The following SPIRE1 variants were observed in gnomAD, a reference collection of about 807,000 sequenced individuals.
SPIRE1 encodes the protein protein spire homolog 1.
SPIRE1 carries 40 observed loss-of-function variants against 94.1 expected under a neutral mutation model. The observed-to-expected ratio is 0.43, with a 90% CI of 0.33 to 0.55. The LOEUF is 0.55. SPIRE1 is among the 20% of genes least tolerant of loss of function. The pLI is 0.06. For missense variants in SPIRE1, 838 were observed against 975.2 expected, an observed-to-expected ratio of 0.86 and a Z score of 1.87; for synonymous variants, 376 against 371.7, an observed-to-expected ratio of 1.01 and a Z score of -0.13.
At chr18:12,508,295 T>TA (rs1233405471) in intron 5 of SPIRE1, among the ~76,000 whole-genome samples, 1 of 152,136 alleles carries the variant, frequency 6.6e-6, no homozygotes, top group Non-Finnish European at 1.5e-5. Context: ...TTCATAATTT[T>TA]AAAAAAATGT....
At chr18:12,514,549 G>A (rs1217828833) in intron 4 of SPIRE1, among the ~76,000 whole-genome samples, 1 of 151,894 alleles carries the variant, frequency 6.6e-6, no homozygotes, top group Non-Finnish European at 1.5e-5. Context: ...TCTTCATTAA[G>A]TAGATTAAGA....
chr18:12,490,450 G>A (rs1043588032), intron 8 of SPIRE1, among the ~76,000 whole-genome samples: 2 of 152,106 alleles, frequency 1.3e-5, no homozygotes, highest in Non-Finnish European at 2.9e-5. Flanking sequence ...CACTGAAGAT[G>A]AGAGAACACT....
At chr18:12,615,340 A>AAT in intron 2 of SPIRE1, among the ~76,000 whole-genome samples, 1 of 59,154 alleles carries the variant, frequency 1.7e-5, no homozygotes, top group East Asian at 4.4e-4. Context: ...AAAAAAAAAA[A>AAT]AAAAAATATA....
intron 3 of SPIRE1, among the ~76,000 whole-genome samples, chr18:12,540,739 T>TA (rs1234614104): frequency 2.0e-5 from 3 of 152,238 alleles, no homozygotes; most frequent in African/African-American, 7.2e-5. Context: ...GGATTTAAAT[T>TA]ACAGTAGTTC....
chr18:12,522,283 A>G (rs933073833), intron 4 of SPIRE1, among the ~76,000 whole-genome samples: 2 of 152,254 alleles, frequency 1.3e-5, no homozygotes, highest in Non-Finnish European at 2.9e-5. Context: ...CAAACCAGCC[A>G]CAACATTCCC....
intron 2 of SPIRE1, among the ~76,000 whole-genome samples, chr18:12,557,029 C>G (rs950424152): frequency 4.6e-5 from 7 of 152,232 alleles, no homozygotes; most frequent in African/African-American, 7.2e-5. Flanking sequence ...AAACCTTGAG[C>G]TAGACACAAA....
At chr18:12,622,638 G>A (rs1000193825) in intron 2 of SPIRE1, among the ~76,000 whole-genome samples, 5 of 150,766 alleles carry the variant, frequency 3.3e-5, no homozygotes, top group Non-Finnish European at 6.0e-5. Context: ...TAGCCAGGAT[G>A]GTCTCGATCT....
At chr18:12,513,774 C>T (rs1168989578) in intron 4 of SPIRE1, among the ~76,000 whole-genome samples, 5 of 152,236 alleles carry the variant, frequency 3.3e-5, no homozygotes, top group African/African-American at 9.6e-5. Flanking sequence ...CCACCCGCCT[C>T]GGCCTCCCAA....
At chr18:12,485,105 TC>T (rs1311575958) in intron 9 of SPIRE1, among the ~76,000 whole-genome samples, 11 of 96,026 alleles carry the variant, frequency 1.1e-4, no homozygotes, top group Admixed American at 6.4e-4. Context: ...ATTTTTATAC[TC>T]TTTTTTTTTT....
intron 1 of SPIRE1, among the ~76,000 whole-genome samples, chr18:12,641,208 T>G (rs112629112): frequency 6.6e-6 from 1 of 152,116 alleles, no homozygotes; most frequent in Non-Finnish European, 1.5e-5. Flanking sequence ...CAACCATTAG[T>G]TTAAGAACTA....
intron 1 of SPIRE1, chr18:12,636,398 T>G (rs1191671999): frequency 6.6e-6 from 1 of 152,074 alleles, no homozygotes; most frequent in African/African-American, 2.4e-5. Context: ...TTTCTATGCC[T>G]CAGACTGTAT....
intron 1 of SPIRE1, among the ~76,000 whole-genome samples, chr18:12,647,256 T>C (rs1001867927): frequency 2.0e-5 from 3 of 152,184 alleles, no homozygotes; most frequent in Admixed American, 6.5e-5. Flanking sequence ...AATATCTACT[T>C]ATGCTGACCA....
intron 6 of SPIRE1, among the ~76,000 whole-genome samples, chr18:12,500,599 C>T (rs958693255): frequency 6.6e-6 from 1 of 152,258 alleles, no homozygotes; most frequent in African/African-American, 2.4e-5. Flanking sequence ...GATCCAGCCA[C>T]TCCACTCCCA....
chr18:12,629,408 A>G (rs2037716243), intron 2 of SPIRE1, among the ~76,000 whole-genome samples: 1 of 152,266 alleles, frequency 6.6e-6, no homozygotes, highest in African/African-American at 2.4e-5. Context: ...TAAAATTGGA[A>G]TAAAAGCTAC....
intron 2 of SPIRE1, among the ~76,000 whole-genome samples, chr18:12,572,244 T>C (rs1305851478): frequency 6.6e-6 from 1 of 152,144 alleles, no homozygotes; most frequent in Non-Finnish European, 1.5e-5. Context: ...CTAAAGGATA[T>C]GGGTCTTTAT....
rs572405523 is a variant in SPIRE1 at position 12,502,905 on chromosome 18, C to T, written c.972+3572G>A. ...GGTGGATCACCTGAGGTTAGGAGTT[C>T]GAGACCAGCGTGGCTAACCTGATGA... On this transcript the variant is annotated intron_variant, in intron 6 of 16. Transcript: ENST00000409402. 2.3e-3 allele frequency among the ~76,000 whole-genome samples: 351 copies of T among 152,054 alleles called. 2 individuals carry two copies. Among genetic ancestry groups the T allele is most frequent in the South Asian group, 0.014 (69 of 4,822 alleles).
intron 10 of SPIRE1, among the ~76,000 whole-genome samples, chr18:12,474,490 G>A (rs571866721): frequency 6.6e-6 from 1 of 152,184 alleles, no homozygotes; most frequent in Non-Finnish European, 1.5e-5. Context: ...CTGTACTTCT[G>A]TGTAAGTCTG....
intron 3 of SPIRE1, among the ~76,000 whole-genome samples, chr18:12,539,614 C>CACACACAT (rs1555621644): frequency 6.3e-4 from 95 of 150,842 alleles, no homozygotes; most frequent in South Asian, 1.5e-3. Flanking sequence ...CACACACACA[C>CACACACAT]GTTGGGAATA....
intron 8 of SPIRE1, among the ~76,000 whole-genome samples, chr18:12,490,976 G>C (rs2033213013): frequency 6.6e-6 from 1 of 152,054 alleles, no homozygotes; most frequent in South Asian, 2.1e-4. Flanking sequence ...TGGAAAGAAA[G>C]TAATAAAAGT....
Sources: gnomAD v4.1 joint callset for allele counts (sites outside exome capture counted in the v4.1 genomes callset) on GRCh38, gnomAD v4.1.1 for gene constraint, MANE v1.5 for transcripts, NCBI Gene and HGNC (gene_info 2026-07-23, HGNC 2026-07-21) for gene names.